ROBO2: variants seen among roughly 807,000 people sequenced by gnomAD.
ROBO2 encodes roundabout guidance receptor 2.
ROBO2 carries 53 observed loss-of-function variants against 160.8 expected under a neutral mutation model. The observed-to-expected ratio is 0.33, with a 90% CI of 0.26 to 0.41. The LOEUF (loss-of-function observed/expected upper bound fraction) is 0.41. ROBO2 is among the 10% of genes least tolerant of loss of function. The probability of loss-of-function intolerance (pLI) is 1.00; values close to 1 mark genes in which losing one functional copy is unlikely to be tolerated. For synonymous variants in ROBO2, 664 were observed against 611.7 expected, an observed-to-expected ratio of 1.09 and a Z score of -1.26; for missense variants, 1,577 against 1,722.4, an observed-to-expected ratio of 0.92 and a Z score of 1.49.
intron 2 of ROBO2, among the ~76,000 whole-genome samples, chr3:76,298,398 C>A (rs1709191855): frequency 6.6e-6 from 1 of 151,992 alleles, no homozygotes; most frequent in Admixed American, 6.6e-5. Flanking sequence ...TTAGAGGTGG[C>A]GTCTCTAAAT....
intron 2 of ROBO2, among the ~76,000 whole-genome samples, chr3:76,534,038 C>T (rs1211920127): frequency 1.3e-5 from 2 of 152,070 alleles, no homozygotes; most frequent in Non-Finnish European, 2.9e-5. Flanking sequence ...GCTCAGAGAC[C>T]TAACATTCCT....
At chr3:75,963,917 C>T (rs1949013805) in intron 2 of ROBO2, among the ~76,000 whole-genome samples, 1 of 151,716 alleles carries the variant, frequency 6.6e-6, no homozygotes, top group South Asian at 2.1e-4. Flanking sequence ...GATTAGGACC[C>T]ACCCCGAGGG....
At chr3:77,331,500 C>A (rs536728819) in intron 2 of ROBO2, among the ~76,000 whole-genome samples, 6 of 152,220 alleles carry the variant, frequency 3.9e-5, no homozygotes, top group African/African-American at 1.4e-4. Context: ...AATCAAATTT[C>A]TACTTGATAG....
intron 2 of ROBO2, among the ~76,000 whole-genome samples, chr3:76,797,978 G>T (rs1397960361): frequency 1.3e-5 from 2 of 151,482 alleles, no homozygotes; most frequent in Non-Finnish European, 2.9e-5. Flanking sequence ...TTTAAATGTT[G>T]AATTCTACCA....
chr3:76,460,550 C>T (rs974887713), intron 2 of ROBO2, among the ~76,000 whole-genome samples: 9 of 152,170 alleles, frequency 5.9e-5, no homozygotes, highest in Middle Eastern at 3.2e-3. Flanking sequence ...GTTGTAAGGA[C>T]ATTCAAGCAA....
intron 2 of ROBO2, among the ~76,000 whole-genome samples, chr3:77,408,686 T>G (rs2076453053): frequency 6.6e-6 from 1 of 152,156 alleles, no homozygotes; most frequent in Non-Finnish European, 1.5e-5. Context: ...TAGCCTACAT[T>G]GACTTCTTCT....
rs543788709 is a variant in ROBO2 at position 76,566,796 on chromosome 3, T to C, written c.110-531218T>C. ...AGGAAGAAAAAGAGAGAGAAATAAG[T>C]AAAAGGAAAAGAAGAAAAGAGAAAA... On this transcript the variant is annotated intron_variant, in intron 2 of 26. Transcript: ENST00000487694. Among the ~76,000 whole-genome samples the C allele has an allele frequency of 3.3e-5, 5 of 151,642 alleles. No homozygotes were observed. The South Asian group carries it at 1.0e-3, about 32-fold the overall frequency.
At chr3:77,539,734 G>A (rs1471026021) in intron 6 of ROBO2, among the ~76,000 whole-genome samples, 1 of 152,114 alleles carries the variant, frequency 6.6e-6, no homozygotes, top group Non-Finnish European at 1.5e-5. Flanking sequence ...CCCCATACCA[G>A]TAAAATCTTC....
chr3:76,252,787 A>G (rs1409115809), intron 2 of ROBO2, among the ~76,000 whole-genome samples: 2 of 151,038 alleles, frequency 1.3e-5, no homozygotes, highest in African/African-American at 4.9e-5. Context: ...ACACACACAC[A>G]CACACAGAGT....
intron 2 of ROBO2, among the ~76,000 whole-genome samples, chr3:76,433,141 T>C (rs2076515588): frequency 1.3e-5 from 2 of 152,202 alleles, no homozygotes; most frequent in East Asian, 1.9e-4. Context: ...GTCAGAACAT[T>C]TTCTTATTAG....
intron 2 of ROBO2, among the ~76,000 whole-genome samples, chr3:76,570,372 A>G (rs1687560899): frequency 6.6e-6 from 1 of 152,210 alleles, no homozygotes; most frequent in Admixed American, 6.5e-5. Flanking sequence ...CATAGAAATA[A>G]CTTAGTCTAG....
At chr3:77,642,131 T>C (rs1045403615) in intron 24 of ROBO2, among the ~76,000 whole-genome samples, 1 of 152,224 alleles carries the variant, frequency 6.6e-6, no homozygotes, top group East Asian at 1.9e-4. Flanking sequence ...TAATTGCATT[T>C]AATAAATGTT....
In ROBO2 at chr3:77,215,764, G is replaced by T. The variant is rs1208760213; in HGVS notation, c.388+117424G>T. On this transcript the variant is annotated intron_variant, in intron 2 of 25. Transcript: ENST00000461745. ...GACGTACAGATGGGGTTTTGGTGTG[G>T]ATGTCCTTTCTGTTTGTTAGTTTTT... is the stretch of plus-strand genomic sequence containing the variant. Among the ~76,000 whole-genome samples the T allele has an allele frequency of 2.6e-5, 4 of 152,062 alleles. No individual in the cohort carries two copies. In the East Asian group the frequency reaches 7.7e-4, roughly 29 times the overall value.
At position 77,344,007 on chromosome 3, in the gene ROBO2, C is replaced by T. The variant is rs144724912; in HGVS notation, c.389-133407C>T. Among the ~76,000 whole-genome samples the T allele has an allele frequency of 8.8e-4, 134 of 152,144 alleles. 1 individual carries two copies. Among genetic ancestry groups the T allele is most frequent in the Non-Finnish European group, 1.4e-3 (97 of 68,008 alleles). On this transcript the variant is annotated intron_variant, in intron 2 of 25. Coordinates refer to ENST00000461745, the Ensembl canonical transcript of ROBO2. ...CAACAATAAGCTCCCTGTTCTTGAG[C>T]CAATTTTCAAAGGTGAGGAGATAAT...
chr3:77,251,889 T>C (rs2090393713), intron 2 of ROBO2, among the ~76,000 whole-genome samples: 1 of 152,174 alleles, frequency 6.6e-6, no homozygotes, highest in Non-Finnish European at 1.5e-5. Flanking sequence ...CCTTTTTCTT[T>C]ATGAATTACC....
At chr3:76,480,218 T>C (rs1449246492) in intron 2 of ROBO2, among the ~76,000 whole-genome samples, 2 of 152,170 alleles carry the variant, frequency 1.3e-5, no homozygotes. Context: ...ACACATTCAC[T>C]TTTCTTCTTC....
At chr3:77,197,511 G>T (rs1033428915) in intron 2 of ROBO2, among the ~76,000 whole-genome samples, 11 of 152,154 alleles carry the variant, frequency 7.2e-5, no homozygotes, top group Admixed American at 2.0e-4. Context: ...AGGTCCTGTT[G>T]GTTCTAGTGA....
At chr3:75,975,976 G>T (rs1337366834) in intron 2 of ROBO2, among the ~76,000 whole-genome samples, 1 of 151,382 alleles carries the variant, frequency 6.6e-6, no homozygotes, top group Admixed American at 6.6e-5. Flanking sequence ...TCCAGTCACT[G>T]CCATGCAATT....
chr3:77,043,435 G>T (rs78388821), intron 1 of ROBO2, among the ~76,000 whole-genome samples: 1 of 152,062 alleles, frequency 6.6e-6, no homozygotes, highest in Non-Finnish European at 1.5e-5. Context: ...AAATGGTAGC[G>T]TTTTGCCACC....
Sources: allele counts gnomAD v4.1 joint callset (sites outside exome capture counted in the v4.1 genomes callset), GRCh38; gene constraint gnomAD v4.1.1; transcripts MANE v1.5; gene names NCBI Gene and HGNC (gene_info 2026-07-23, HGNC 2026-07-21).